Variants in INPP4B observed in about 807,000 individuals in gnomAD.
INPP4B encodes inositol polyphosphate 4-phosphatase type II.
Under a neutral mutation model 122.5 loss-of-function variants are expected in INPP4B, and 55 were observed. The observed-to-expected ratio is 0.45, with a 90% CI of 0.36 to 0.56. The LOEUF (loss-of-function observed/expected upper bound fraction) is 0.56. INPP4B is among the 20% of genes least tolerant of loss of function. The pLI is 0.00. For synonymous variants in INPP4B, 403 were observed against 388.7 expected (o/e 1.04, Z -0.43); for missense variants, 1,000 against 1,097.7 (o/e 0.91, Z 1.26).
chr4:142,041,112 C>T (rs1016458814), intron 25 of INPP4B, among the ~76,000 whole-genome samples: 1 of 151,914 alleles, frequency 6.6e-6, no homozygotes, highest in Non-Finnish European at 1.5e-5. Context: ...TGAAAGTAGC[C>T]TGGGAAATTT....
At chr4:142,132,629 C>G (rs1183467037) in intron 18 of INPP4B, among the ~76,000 whole-genome samples, 2 of 152,150 alleles carry the variant, frequency 1.3e-5, no homozygotes, top group Non-Finnish European at 2.9e-5. Context: ...TTGTCTAGCT[C>G]AGACCATCTC....
chr4:142,630,392 T>G (rs1361846389), intron 2 of INPP4B, among the ~76,000 whole-genome samples: 1 of 152,144 alleles, frequency 6.6e-6, no homozygotes, highest in East Asian at 1.9e-4. Context: ...TTTAAAAATT[T>G]TCAGGAACTT....
intron 7 of INPP4B, among the ~76,000 whole-genome samples, chr4:142,343,446 C>T (rs1468691373): frequency 5.3e-5 from 8 of 151,452 alleles, no homozygotes; most frequent in Non-Finnish European, 8.8e-5. Context: ...ATATTCTTTG[C>T]CTCTGAATTC....
intron 15 of INPP4B, among the ~76,000 whole-genome samples, chr4:142,177,852 T>C (rs1351592827): frequency 1.3e-5 from 2 of 152,122 alleles, no homozygotes; most frequent in Admixed American, 6.6e-5. Flanking sequence ...AACAAGGACT[T>C]ATAAATTCCT....
intron 2 of INPP4B, among the ~76,000 whole-genome samples, chr4:142,570,484 A>AAATAAT (rs1259287207): frequency 2.6e-5 from 4 of 152,040 alleles, no homozygotes; most frequent in Non-Finnish European, 4.4e-5. Flanking sequence ...TTTGGTTGAA[A>AAATAAT]AATAATTTTT....
chr4:142,089,291 G>A (rs539833253), intron 23 of INPP4B, among the ~76,000 whole-genome samples: 1 of 152,202 alleles, frequency 6.6e-6, no homozygotes, highest in Non-Finnish European at 1.5e-5. Flanking sequence ...AAACAGTTTT[G>A]AAAGCAATAC....
intron 2 of INPP4B, among the ~76,000 whole-genome samples, chr4:142,530,830 C>A (rs1013611060): frequency 4.6e-5 from 7 of 151,700 alleles, no homozygotes; most frequent in African/African-American, 1.7e-4. Context: ...AATGTCTGAG[C>A]GAGCAAGAAG....
At chr4:142,341,062 CAGA>C (rs1778546551) in intron 7 of INPP4B, among the ~76,000 whole-genome samples, 1 of 152,132 alleles carries the variant, frequency 6.6e-6, no homozygotes, top group Non-Finnish European at 1.5e-5. Context: ...AACTTTTTAA[CAGA>C]AGAACACAAC....
intron 16 of INPP4B, among the ~76,000 whole-genome samples, chr4:142,163,614 T>C (rs1459825464): frequency 1.3e-5 from 2 of 151,886 alleles, no homozygotes; most frequent in African/African-American, 2.4e-5. Flanking sequence ...TATTAGCTCA[T>C]GTTAGTCTCT....
At chr4:142,643,122 TC>T (rs1380593940) in intron 2 of INPP4B, among the ~76,000 whole-genome samples, 2 of 152,206 alleles carry the variant, frequency 1.3e-5, no homozygotes, top group Non-Finnish European at 2.9e-5. Context: ...TGATTTTGTA[TC>T]CTGAGACTTT....
chr4:142,721,347 A>T (rs886848718), intron 2 of INPP4B, among the ~76,000 whole-genome samples: 2 of 152,148 alleles, frequency 1.3e-5, no homozygotes, highest in African/African-American at 4.8e-5. Flanking sequence ...AGCAGAGTAT[A>T]TGCTCTTGCA....
chr4:142,052,233 A>G (rs777373612), intron 25 of INPP4B, among the ~76,000 whole-genome samples: 1 of 152,048 alleles, frequency 6.6e-6, no homozygotes, highest in Non-Finnish European at 1.5e-5. Flanking sequence ...TCCATGTATT[A>G]TAAATTAGAT....
chr4:142,262,132 A>G (rs1245099592), intron 10 of INPP4B, among the ~76,000 whole-genome samples: 1 of 152,208 alleles, frequency 6.6e-6, no homozygotes, highest in African/African-American at 2.4e-5. Context: ...TTTAGCATAT[A>G]CAGGGCTGTT....
chr4:142,819,588 G>A (rs1780552753), intron 1 of INPP4B, among the ~76,000 whole-genome samples: 1 of 152,112 alleles, frequency 6.6e-6, no homozygotes, highest in Admixed American at 6.6e-5. Flanking sequence ...TAATTTTTGT[G>A]CTGCAAATTC....
intron 1 of INPP4B, among the ~76,000 whole-genome samples, chr4:142,746,591 T>C (rs1302327528): frequency 6.6e-6 from 1 of 152,162 alleles, no homozygotes; most frequent in Non-Finnish European, 1.5e-5. Context: ...AGAACAAATC[T>C]GGAGGCATCA....
At chr4:142,723,615 G>A (rs893212475) in intron 2 of INPP4B, among the ~76,000 whole-genome samples, 2 of 151,920 alleles carry the variant, frequency 1.3e-5, no homozygotes, top group Non-Finnish European at 2.9e-5. Flanking sequence ...TAAAAGTGTC[G>A]GTTAATCCAA....
At chr4:142,214,586 T>C (rs1378783158) in intron 12 of INPP4B, among the ~76,000 whole-genome samples, 1 of 152,232 alleles carries the variant, frequency 6.6e-6, no homozygotes, top group East Asian at 1.9e-4. Context: ...GGAGTCTCGC[T>C]CTGCCGCCCA....
At chr4:142,374,779 C>A (rs538176431) in intron 7 of INPP4B, among the ~76,000 whole-genome samples, 1 of 151,810 alleles carries the variant, frequency 6.6e-6, no homozygotes, top group South Asian at 2.1e-4. Flanking sequence ...TTATCAATTC[C>A]GTTTTTTATT....
intron 3 of INPP4B, among the ~76,000 whole-genome samples, chr4:142,449,237 C>T (rs1175029993): frequency 6.6e-6 from 1 of 152,180 alleles, no homozygotes; most frequent in Admixed American, 6.5e-5. Context: ...GAGGAAGCAA[C>T]ACTGACAGCA....
Sources: gnomAD v4.1 joint callset for allele counts (sites outside exome capture counted in the v4.1 genomes callset) on GRCh38, gnomAD v4.1.1 for gene constraint, MANE v1.5 for transcripts, NCBI Gene and HGNC (gene_info 2026-07-23, HGNC 2026-07-21) for gene names.